Variants in DDX10 observed in about 807,000 individuals in gnomAD.
DDX10 encodes the protein DEAD-box helicase 10.
In DDX10, 74 loss-of-function variants were observed where a neutral mutation model predicts 104.3. The ratio of observed to expected loss-of-function variants is 0.71; its 90% CI spans 0.59 to 0.86. The LOEUF (loss-of-function observed/expected upper bound fraction) is 0.86. Ranked by LOEUF, DDX10 falls within the 40% of genes least tolerant of loss-of-function variation. The pLI is 0.00. For missense variants in DDX10, 952 were observed against 1,040.0 expected, an observed-to-expected ratio of 0.92 and a Z score of 1.16; for synonymous variants, 351 against 353.4, an observed-to-expected ratio of 0.99 and a Z score of 0.08.
At chr11:108,925,276 T>C (rs1024288190) in intron 17 of DDX10, among the ~76,000 whole-genome samples, 1 of 152,134 alleles carries the variant, frequency 6.6e-6, no homozygotes, top group Non-Finnish European at 1.5e-5. Flanking sequence ...GTTTGAGAAA[T>C]TGGGAGTTTA....
At position 108,917,985 on chromosome 11, in the gene DDX10, A is replaced by G. The variant is rs1305233075; in HGVS notation, c.2417A>G (p.Asp806Gly). ...CCAGATAAATACAGAAGCTCTGAAG[A>G]TTCAGATAGTGAAGATATGGAAAAT... ...PDPDKYRSSE[D>G]SDSEDMENKI... The change falls in exon 17 of 18, where the codon GAT (aspartate) becomes GGT (glycine). Residue 806 changes from aspartate to glycine, a missense_variant. Physicochemically the swap from Asp to Gly is moderately conservative, Grantham distance 94. Coordinates refer to ENST00000322536, the MANE Select transcript of DDX10 (RefSeq NM_004398.4). 1.2e-6 allele frequency: 2 copies of G among 1,613,636 alleles called. No individual in the cohort carries two copies. The highest frequency in any genetic ancestry group is 1.7e-5 in the Admixed American group (1 of 60,012).
chr11:108,780,122 T>C (rs534377121), intron 13 of DDX10, among the ~76,000 whole-genome samples: 8 of 152,306 alleles, frequency 5.3e-5, no homozygotes, highest in Non-Finnish European at 1.0e-4. Context: ...GATGAGGAGA[T>C]GAAGATAAGG....
intron 13 of DDX10, among the ~76,000 whole-genome samples, chr11:108,786,631 G>A (rs927966704): frequency 1.3e-5 from 2 of 152,100 alleles, no homozygotes; most frequent in Non-Finnish European, 2.9e-5. Flanking sequence ...CTCCCTGATT[G>A]TTATTGGTTT....
At chr11:108,692,609 G>A (rs2094254374) in intron 8 of DDX10, among the ~76,000 whole-genome samples, 1 of 152,166 alleles carries the variant, frequency 6.6e-6, no homozygotes, top group Admixed American at 6.5e-5. Context: ...TAATTTTATT[G>A]TATTGTTAAT....
intron 17 of DDX10, among the ~76,000 whole-genome samples, chr11:108,933,064 G>T (rs1196443210): frequency 6.6e-6 from 1 of 151,936 alleles, no homozygotes; most frequent in Non-Finnish European, 1.5e-5. Flanking sequence ...TTATTCAAGG[G>T]GTAGGGGCCA....
chr11:108,740,499 C>T (rs1035707425), intron 13 of DDX10, among the ~76,000 whole-genome samples: 4 of 152,108 alleles, frequency 2.6e-5, no homozygotes, highest in African/African-American at 9.7e-5. Flanking sequence ...TGGGTATATA[C>T]CCAATAATGG....
At chr11:108,724,415 A>G (rs901451543) in intron 13 of DDX10, among the ~76,000 whole-genome samples, 14 of 151,894 alleles carry the variant, frequency 9.2e-5, no homozygotes. Flanking sequence ...CAGGTGACGG[A>G]AAAAAAATAA....
intron 16 of DDX10, among the ~76,000 whole-genome samples, chr11:108,914,848 A>AAC (rs1863725989): frequency 6.6e-6 from 1 of 151,346 alleles, no homozygotes; most frequent in Non-Finnish European, 1.5e-5. Context: ...AAAAAAAAAA[A>AAC]ACTGGAAATC....
At chr11:108,806,828 G>C (rs1037510640) in intron 13 of DDX10, among the ~76,000 whole-genome samples, 1 of 152,152 alleles carries the variant, frequency 6.6e-6, no homozygotes, top group African/African-American at 2.4e-5. Context: ...AGAGAAATTG[G>C]TATGATCTAG....
At chr11:108,910,746 T>C (rs1863659548) in intron 16 of DDX10, among the ~76,000 whole-genome samples, 2 of 110,592 alleles carry the variant, frequency 1.8e-5, no homozygotes, top group African/African-American at 1.0e-4. Context: ...TGTGTGTGTG[T>C]GTGTGTGTGT....
intron 4 of DDX10, among the ~76,000 whole-genome samples, chr11:108,677,527 A>G (rs766417601): frequency 4.6e-5 from 7 of 151,990 alleles, no homozygotes; most frequent in Non-Finnish European, 1.0e-4. Context: ...TCATTGGGAA[A>G]GATATTTCCA....
At chr11:108,744,593 G>C (rs574931299) in intron 13 of DDX10, among the ~76,000 whole-genome samples, 2 of 152,228 alleles carry the variant, frequency 1.3e-5, no homozygotes, top group Non-Finnish European at 2.9e-5. Flanking sequence ...CCTCTGCCAT[G>C]TCCCCTCTTA....
chr11:108,844,115 A>G (rs1297707639), intron 15 of DDX10, among the ~76,000 whole-genome samples: 7 of 152,184 alleles, frequency 4.6e-5, no homozygotes, highest in African/African-American at 1.7e-4. Flanking sequence ...CTTTACATAT[A>G]GCTGGTTTTG....
intron 16 of DDX10, among the ~76,000 whole-genome samples, chr11:108,892,513 C>T (rs989831591): frequency 6.6e-6 from 1 of 152,106 alleles, no homozygotes; most frequent in Non-Finnish European, 1.5e-5. Flanking sequence ...TTTTTAACCT[C>T]ATTTGTTGAT....
intron 6 of DDX10, among the ~76,000 whole-genome samples, chr11:108,684,846 A>G (rs2094241231): frequency 6.8e-6 from 1 of 147,366 alleles, no homozygotes. Context: ...ATTTCTCCAC[A>G]TCCTCTCCAG....
chr11:108,738,437 A>G lies in DDX10; in HGVS notation c.1965+14975A>G, dbSNP rs116317732. Among the ~76,000 whole-genome samples the G allele has an allele frequency of 7.4e-3, 1,127 of 152,154 alleles. 11 individuals are homozygous for G. The highest frequency in any genetic ancestry group is 0.026 in the African/African-American group (1,059 of 41,518). Reference sequence around the variant, plus strand: ...AAACTATTGGTTATTGAATCTTTTTAGAAATACTTATTTCTAATCCCCTCT... The same window carrying G: ...AAACTATTGGTTATTGAATCTTTTTGGAAATACTTATTTCTAATCCCCTCT... On this transcript the variant is annotated intron_variant, in intron 13 of 17. Coordinates refer to ENST00000322536, the MANE Select transcript of DDX10 (RefSeq NM_004398.4).
At chr11:108,827,870 C>G (rs1441884207) in intron 13 of DDX10, among the ~76,000 whole-genome samples, 2 of 152,088 alleles carry the variant, frequency 1.3e-5, no homozygotes, top group African/African-American at 4.8e-5. Flanking sequence ...AAGTTGATGC[C>G]ATATTTTCAT....
At chr11:108,687,155 C>T (rs993665502) in intron 6 of DDX10, among the ~76,000 whole-genome samples, 3 of 152,284 alleles carry the variant, frequency 2.0e-5, no homozygotes, top group African/African-American at 7.2e-5. Flanking sequence ...GCATTTCTGC[C>T]AGCAGTGAAG....
chr11:108,710,039 C>G (rs1484650742), intron 10 of DDX10, among the ~76,000 whole-genome samples: 1 of 152,118 alleles, frequency 6.6e-6, no homozygotes, highest in Non-Finnish European at 1.5e-5. Flanking sequence ...GGCAATTGAA[C>G]ACAATGGTAG....
Sources: gnomAD v4.1 joint callset for allele counts (sites outside exome capture counted in the v4.1 genomes callset) on GRCh38, gnomAD v4.1.1 for gene constraint, MANE v1.5 for transcripts, NCBI Gene and HGNC (gene_info 2026-07-23, HGNC 2026-07-21) for gene names.